Variants in ARHGAP22 observed in about 807,000 individuals in gnomAD.
ARHGAP22 encodes the protein rho GTPase-activating protein 22.
In ARHGAP22, 48 loss-of-function variants were observed where a neutral mutation model predicts 59.1. That is an observed-to-expected ratio of 0.81 (90% CI 0.64 to 1.03). The LOEUF (loss-of-function observed/expected upper bound fraction) is 1.03. ARHGAP22 is among the 50% of genes least tolerant of loss of function. ARHGAP22 has a pLI of 0.00. For synonymous variants in ARHGAP22, 445 were observed against 416.4 expected (o/e 1.07, Z -0.84); for missense variants, 1,015 against 958.7 (o/e 1.06, Z -0.78).
At chr10:48,500,276 C>G (rs564718105) in intron 3 of ARHGAP22, among the ~76,000 whole-genome samples, 11 of 152,090 alleles carry the variant, frequency 7.2e-5, no homozygotes, top group African/African-American at 2.7e-4. Flanking sequence ...CTCAGCAGAG[C>G]AAGAAGCTGA....
At chr10:48,438,538 G>A in the ARHGAP22 span, 2 of 152,164 alleles carry the variant, frequency 1.3e-5, no homozygotes, top group Non-Finnish European at 2.9e-5. Flanking sequence ...CTTCGTTACT[G>A]AAACTTTTGA....
intron 4 of ARHGAP22, among the ~76,000 whole-genome samples, chr10:48,466,003 A>C (rs927653941): frequency 6.6e-6 from 1 of 152,026 alleles, no homozygotes; most frequent in South Asian, 2.1e-4. Flanking sequence ...AAGCGGTAAG[A>C]TCCACCAGCC....
intron 1 of ARHGAP22, among the ~76,000 whole-genome samples, chr10:48,588,569 C>T (rs1162533790): frequency 6.6e-6 from 1 of 152,088 alleles, no homozygotes; most frequent in African/African-American, 2.4e-5. Context: ...CTGGAGGGTC[C>T]CCAGGAGCAG....
intron 1 of ARHGAP22, among the ~76,000 whole-genome samples, chr10:48,638,984 T>C (rs1263756473): frequency 6.6e-6 from 1 of 152,226 alleles, no homozygotes; most frequent in Non-Finnish European, 1.5e-5. Context: ...ACTCTGGAAA[T>C]TGACCAAAGA....
intron 1 of ARHGAP22, among the ~76,000 whole-genome samples, chr10:48,600,989 C>T (rs1564976576): frequency 6.6e-6 from 1 of 152,196 alleles, no homozygotes; most frequent in Non-Finnish European, 1.5e-5. Context: ...TAATACGCCC[C>T]TTCTTCAGCA....
At chr10:48,486,812 G>T (rs1435577385) in intron 3 of ARHGAP22, among the ~76,000 whole-genome samples, 1 of 152,192 alleles carries the variant, frequency 6.6e-6, no homozygotes, top group African/African-American at 2.4e-5. Context: ...CAGCTATTGA[G>T]TGTGGGAATC....
At chr10:48,540,226 T>C (rs1162865943) in intron 3 of ARHGAP22, among the ~76,000 whole-genome samples, 1 of 152,328 alleles carries the variant, frequency 6.6e-6, no homozygotes, top group African/African-American at 2.4e-5. Context: ...TCTAACCCCA[T>C]AGAGATCAGG....
At chr10:48,645,389 T>G (rs2062249636) in intron 1 of ARHGAP22, among the ~76,000 whole-genome samples, 1 of 152,114 alleles carries the variant, frequency 6.6e-6, no homozygotes, top group Admixed American at 6.6e-5. Context: ...CAAAGTAAAT[T>G]CAGCAAGATA....
At chr10:48,469,589 G>C (rs572850757) in intron 4 of ARHGAP22, among the ~76,000 whole-genome samples, 2 of 152,276 alleles carry the variant, frequency 1.3e-5, no homozygotes, top group East Asian at 3.9e-4. Context: ...GGTAGAATGC[G>C]CTGAGGCCTA....
At chr10:48,593,013 C>T (rs971972317) in intron 1 of ARHGAP22, among the ~76,000 whole-genome samples, 3 of 152,246 alleles carry the variant, frequency 2.0e-5, no homozygotes, top group African/African-American at 4.8e-5. Flanking sequence ...CACGGCCTCT[C>T]GGCCTCCTTT....
At chr10:48,609,336 T>G (rs1383523852), upstream of ARHGAP22, among the ~76,000 whole-genome samples, 1 of 152,210 alleles carries the variant, frequency 6.6e-6, no homozygotes, top group Non-Finnish European at 1.5e-5. Context: ...CCATTATACA[T>G]GAGCAGAAGT....
intron 1 of ARHGAP22, among the ~76,000 whole-genome samples, chr10:48,644,937 C>A (rs2062227482): frequency 6.6e-6 from 1 of 151,610 alleles, no homozygotes; most frequent in Non-Finnish European, 1.5e-5. Context: ...ATAAAAAAAT[C>A]AATGAACTAG....
intron 3 of ARHGAP22, among the ~76,000 whole-genome samples, chr10:48,517,034 C>G (rs2134648269): frequency 6.6e-6 from 1 of 152,234 alleles, no homozygotes; most frequent in Non-Finnish European, 1.5e-5. Context: ...AAAACAGTTT[C>G]ATGGTTGCCT....
At chr10:48,587,109 G>T (rs1388655828) in intron 1 of ARHGAP22, among the ~76,000 whole-genome samples, 2 of 152,326 alleles carry the variant, frequency 1.3e-5, no homozygotes, top group Admixed American at 1.3e-4. Context: ...AGGGTGAGCC[G>T]AGCCTCTGAT....
intron 3 of ARHGAP22, among the ~76,000 whole-genome samples, chr10:48,549,932 C>T (rs771528747): frequency 3.9e-5 from 6 of 152,280 alleles, no homozygotes; most frequent in Admixed American, 1.3e-4. Flanking sequence ...AACCACTGCC[C>T]GACACCATTC....
chr10:48,529,657 C>G (rs2054635783), intron 3 of ARHGAP22, among the ~76,000 whole-genome samples: 1 of 152,148 alleles, frequency 6.6e-6, no homozygotes, highest in Admixed American at 6.5e-5. Context: ...CCATGTGGAG[C>G]AGAGAGAAGC....
chr10:48,490,840 C>G (rs1269227266), intron 3 of ARHGAP22, among the ~76,000 whole-genome samples: 1 of 152,230 alleles, frequency 6.6e-6, no homozygotes, highest in Non-Finnish European at 1.5e-5. Context: ...ACCCTCTGCT[C>G]TCAGGTGAGG....
At chr10:48,519,593 C>G (rs1291517724) in intron 3 of ARHGAP22, among the ~76,000 whole-genome samples, 2 of 152,214 alleles carry the variant, frequency 1.3e-5, no homozygotes, top group East Asian at 3.9e-4. Context: ...AGTGTGGTGC[C>G]AGGCCACATA....
downstream of ARHGAP22, among the ~76,000 whole-genome samples, chr10:48,442,908 GC>G (rs935641412): frequency 6.6e-6 from 1 of 152,182 alleles, no homozygotes; most frequent in Non-Finnish European, 1.5e-5. Flanking sequence ...AAGACCCAAT[GC>G]CCAGATAGCA....
Sources: allele counts gnomAD v4.1 joint callset (sites outside exome capture counted in the v4.1 genomes callset), GRCh38; gene constraint gnomAD v4.1.1; transcripts MANE v1.5; gene names NCBI Gene and HGNC (gene_info 2026-07-23, HGNC 2026-07-21).